The following ABCA13 variants were observed in gnomAD, a reference collection of about 807,000 sequenced individuals.
The protein encoded by ABCA13 is ATP binding cassette subfamily A member 13.
Under a neutral mutation model 478.7 loss-of-function variants are expected in ABCA13, and 476 were observed. The ratio of observed to expected loss-of-function variants is 0.99; its 90% confidence interval spans 0.92 to 1.07. The LOEUF (loss-of-function observed/expected upper bound fraction) is 1.07. Among genes scored for constraint, ABCA13 ranks in the 50% least tolerant of loss-of-function variants. The probability of loss-of-function intolerance (pLI) is 0.00; values close to 1 mark genes in which losing one functional copy is unlikely to be tolerated. For synonymous variants in ABCA13, 2,252 were observed against 2,158.9 expected (o/e 1.04, Z -1.20); for missense variants, 6,060 against 5,910.6 (o/e 1.03, Z -0.83).
At chr7:48,205,316 T>G (rs566209670) in intron 3 of ABCA13, among the ~76,000 whole-genome samples, 65 of 144,728 alleles carry the variant, frequency 4.5e-4, no homozygotes, top group African/African-American at 1.6e-3. Flanking sequence ...ATGATTTAAC[T>G]GCATTTTTTT....
At chr7:48,254,445 T>A (rs1386174225) in intron 15 of ABCA13, among the ~76,000 whole-genome samples, 2 of 152,116 alleles carry the variant, frequency 1.3e-5, no homozygotes, top group Non-Finnish European at 2.9e-5. Flanking sequence ...TTTATTTTAT[T>A]TTTTTGTTAA....
At chr7:48,209,688 C>T (rs1785374425) in intron 3 of ABCA13, among the ~76,000 whole-genome samples, 2 of 152,080 alleles carry the variant, frequency 1.3e-5, no homozygotes, top group African/African-American at 4.8e-5. Context: ...TCATGGATTG[C>T]AATAATCAAT....
chr7:48,219,351 A>T lies in ABCA13; in HGVS notation c.288-3A>T, dbSNP rs768345089. 6.2e-7 allele frequency: 1 copy of T among 1,603,336 alleles called. No individual in the cohort carries two copies. The highest frequency in any genetic ancestry group is 8.5e-7 in the Non-Finnish European group (1 of 1,177,440). ...TCACTTGCAGTATTTATTCTGTTTAAAGTTTGTCTAGGTTCCAAACTGCAG... is the reference window on the plus strand; with the variant it reads ...TCACTTGCAGTATTTATTCTGTTTATAGTTTGTCTAGGTTCCAAACTGCAG... On this transcript the variant is annotated splice_polypyrimidine_tract_variant and splice_region_variant and intron_variant, in intron 3 of 61. Transcript: ENST00000435803.
intron 1 of ABCA13, among the ~76,000 whole-genome samples, chr7:48,178,603 A>G (rs1795203490): frequency 6.6e-6 from 1 of 152,244 alleles, no homozygotes; most frequent in South Asian, 2.1e-4. Context: ...TGAATCTAGG[A>G]GGCAGAGGCT....
intron 58 of ABCA13, among the ~76,000 whole-genome samples, chr7:48,597,172 G>T (rs1273497111): frequency 2.6e-5 from 4 of 152,054 alleles, no homozygotes; most frequent in Non-Finnish European, 2.9e-5. Context: ...GGATGGTCTC[G>T]ATCTCCTGAC....
chr7:48,581,376 G>T (rs1788693814), intron 56 of ABCA13, among the ~76,000 whole-genome samples: 2 of 152,036 alleles, frequency 1.3e-5, no homozygotes, highest in Non-Finnish European at 2.9e-5. Flanking sequence ...TCATTGTAAG[G>T]ACTCTGGCCC....
At chr7:48,233,533 A>T (rs1243430847) in intron 7 of ABCA13, among the ~76,000 whole-genome samples, 1 of 152,172 alleles carries the variant, frequency 6.6e-6, no homozygotes, top group Non-Finnish European at 1.5e-5. Context: ...ACTTCAAATA[A>T]TTATTGAGAA....
Position 48,281,425 on chromosome 7 carries a change from G to A in ABCA13, c.8809G>A (p.Val2937Ile). The stretch of plus-strand genomic sequence containing the variant: ...GATGCTGCAGAAAGTGAAGATGATG[G>A]TCGTACGTGTGCTCACCATCGTTGC... ...MEMLQKVKMM[V>I]VRVLTIVAEN... Residue 2937 changes from valine (V) to isoleucine (I), a missense_variant, in exon 19 of 62, where the codon GTC becomes ATC. Around this residue, in one of 3 missense-constraint regions of ABCA13, gnomAD observed 4,423 missense variants for 4,309.1 expected, o/e 1.03. Transcript: ENST00000435803. 1 of 1,604,202 alleles carries A rather than the reference G, an allele frequency of 6.2e-7. No homozygotes were observed. The highest frequency in any genetic ancestry group is 2.2e-5 in the East Asian group (1 of 44,612).
Position 48,594,721 on chromosome 7 carries a change from C to T in ABCA13, c.14652C>T (p.Ser4884=), listed in dbSNP as rs1469625239. 1.2e-6 allele frequency: 2 copies of T among 1,613,872 alleles called. No homozygotes were observed. The highest frequency in any genetic ancestry group is 3.3e-5 in the Admixed American group (2 of 60,022). ...KPDILLLDEP[S]SGMDPCSKRY... ...TGCCTTTCCTTCAGGATGAGCCCAG[C>T]TCTGGGATGGATCCCTGCTCTAAGC... The change falls in exon 58 of 62, where the codon AGC becomes AGT. Residue 4884 remains serine, a synonymous_variant. Coordinates refer to ENST00000435803, the MANE Select transcript of ABCA13 (RefSeq NM_152701.5).
At chr7:48,562,105 G>C (rs146183808) in intron 55 of ABCA13, among the ~76,000 whole-genome samples, 2,053 of 125,906 alleles carry the variant, frequency 0.016, 17 homozygotes, top group Middle Eastern at 0.024. Context: ...GCATATGTAT[G>C]GGGGGGGAGG....
intron 57 of ABCA13, among the ~76,000 whole-genome samples, chr7:48,591,948 T>C (rs1399463591): frequency 6.6e-6 from 1 of 151,974 alleles, no homozygotes; most frequent in Non-Finnish European, 1.5e-5. Context: ...GGATGCCTTT[T>C]CTTTGTCTTG....
intron 37 of ABCA13, among the ~76,000 whole-genome samples, chr7:48,391,152 A>C (rs1815985278): frequency 6.6e-6 from 1 of 152,196 alleles, no homozygotes; most frequent in South Asian, 2.1e-4. Context: ...ACACACACAG[A>C]CTATCCCGGG....
intron 3 of ABCA13, among the ~76,000 whole-genome samples, chr7:48,210,259 G>A (rs781780867): frequency 6.6e-5 from 10 of 152,120 alleles, no homozygotes; most frequent in Admixed American, 2.0e-4. Flanking sequence ...TAAAACCGCC[G>A]GATCTCATGA....
intron 56 of ABCA13, among the ~76,000 whole-genome samples, chr7:48,583,440 A>G (rs1194202811): frequency 6.6e-6 from 1 of 152,162 alleles, no homozygotes. Flanking sequence ...TAGTGGAAAC[A>G]CTTTGGCTTT....
rs534340155 is a variant in ABCA13 at position 48,262,069 on chromosome 7, A to G, written c.2006-6911A>G. On this transcript the variant is annotated intron_variant, in intron 15 of 61. Transcript: ENST00000435803. ...ACCTGCTAACAACACACAGATGGAA[A>G]GGAATAGACCTGACTGCCAGCATTA... is the stretch of plus-strand genomic sequence containing the variant. 8.5e-5 allele frequency among the ~76,000 whole-genome samples: 13 copies of G among 152,128 alleles called. 1 individual carries two copies. In the South Asian group the frequency reaches 2.7e-3, roughly 31 times the overall value.
intron 15 of ABCA13, among the ~76,000 whole-genome samples, chr7:48,267,148 A>T (rs1315518947): frequency 6.6e-6 from 1 of 152,054 alleles, no homozygotes; most frequent in African/African-American, 2.4e-5. Context: ...AATATGTATT[A>T]TGTTGTTGTT....
chr7:48,320,875 T>C (rs752238425), intron 27 of ABCA13, among the ~76,000 whole-genome samples: 2 of 152,212 alleles, frequency 1.3e-5, no homozygotes, highest in African/African-American at 4.8e-5. Context: ...TCACACTCAG[T>C]GTCCTCCTTT....
rs376351420 is a variant in ABCA13 at position 48,511,203 on chromosome 7, T to C, written c.13640+4T>C. On this transcript the variant is annotated splice_donor_region_variant and intron_variant, in intron 51 of 61. Transcript: ENST00000435803. ...CCCTCCTGCTGTCACTTTTCGGGTA[T>C]GTGATGAGAAACGCTGCTGCAGAAT... 2 of 1,605,572 alleles carry C rather than the reference T, an allele frequency of 1.2e-6. No individual in the cohort carries two copies. Among genetic ancestry groups the C allele is most frequent in the Non-Finnish European group, 1.7e-6 (2 of 1,175,562 alleles).
chr7:48,416,177 A>C (rs1370489589), intron 41 of ABCA13, among the ~76,000 whole-genome samples: 1 of 152,194 alleles, frequency 6.6e-6, no homozygotes, highest in African/African-American at 2.4e-5. Context: ...TTTAGTAAAA[A>C]CTAGATAAAT....
Sources: gnomAD v4.1 joint callset for allele counts (sites outside exome capture counted in the v4.1 genomes callset) on GRCh38, gnomAD v4.1.1 for gene constraint, gnomAD v4.1.1 regional missense constraint, MANE v1.5 for transcripts, NCBI Gene and HGNC (gene_info 2026-07-23, HGNC 2026-07-21) for gene names.